KAZN: variants seen among roughly 807,000 people sequenced by gnomAD.
KAZN encodes the protein kazrin, periplakin interacting protein.
KAZN carries 40 observed loss-of-function variants against 87.4 expected under a neutral mutation model. The ratio of observed to expected loss-of-function variants is 0.46; its 90% CI spans 0.36 to 0.60. The LOEUF (loss-of-function observed/expected upper bound fraction) is 0.60. Ranked by LOEUF, KAZN falls within the 20% of genes least tolerant of loss-of-function variation. The pLI, the probability that KAZN is intolerant of heterozygous loss-of-function variation, is 0.00. For synonymous variants in KAZN, 466 were observed against 458.3 expected, an observed-to-expected ratio of 1.02 and a Z score of -0.22; for missense variants, 898 against 1,073.9, an observed-to-expected ratio of 0.84 and a Z score of 2.29.
chr1:14,843,496 A>G (rs934121645), intron 1 of KAZN, among the ~76,000 whole-genome samples: 1 of 152,196 alleles, frequency 6.6e-6, no homozygotes, highest in African/African-American at 2.4e-5. Context: ...TTGCTGTGAC[A>G]TGAGGCTCAT....
chr1:14,786,361 G>A (rs1645508523), intron 1 of KAZN, among the ~76,000 whole-genome samples: 1 of 152,118 alleles, frequency 6.6e-6, no homozygotes, highest in African/African-American at 2.4e-5. Flanking sequence ...GCAGTTTGGG[G>A]AGCAGCAGCA....
intron 4 of KAZN, among the ~76,000 whole-genome samples, chr1:15,049,234 C>T (rs1431888993): frequency 6.6e-6 from 1 of 152,218 alleles, no homozygotes; most frequent in Non-Finnish European, 1.5e-5. Context: ...CTGCCTGCTC[C>T]TGAGACCATG....
chr1:14,860,719 T>C (rs1421313255), intron 1 of KAZN, among the ~76,000 whole-genome samples: 1 of 152,222 alleles, frequency 6.6e-6, no homozygotes, highest in African/African-American at 2.4e-5. Flanking sequence ...ACCTACCTTA[T>C]ATGTTTGTAT....
chr1:14,226,084 A>G (rs1170756560), intron 2 of KAZN, among the ~76,000 whole-genome samples: 1 of 152,070 alleles, frequency 6.6e-6, no homozygotes, highest in Non-Finnish European at 1.5e-5. Context: ...AAACAAAACA[A>G]ACAAAAAACC....
intron 2 of KAZN, among the ~76,000 whole-genome samples, chr1:14,247,456 A>G (rs916691543): frequency 7.2e-5 from 11 of 152,232 alleles, no homozygotes; most frequent in Admixed American, 1.3e-4. Context: ...CTGAATCAAC[A>G]TTTAAAAACA....
At chr1:14,125,280 C>T (rs560419055) in intron 1 of KAZN, among the ~76,000 whole-genome samples, 19 of 152,260 alleles carry the variant, frequency 1.2e-4, no homozygotes, top group South Asian at 1.2e-3. Context: ...ATGTCTTTTC[C>T]GACCTAGCAA....
chr1:14,489,446 T>C (rs915821328), intron 2 of KAZN, among the ~76,000 whole-genome samples: 8 of 152,146 alleles, frequency 5.3e-5, no homozygotes, highest in South Asian at 2.1e-4. Flanking sequence ...TACACCGTTT[T>C]GGGCTGGGCA....
intron 1 of KAZN, among the ~76,000 whole-genome samples, chr1:13,925,158 A>G (rs1481714755): frequency 1.3e-5 from 2 of 152,214 alleles, no homozygotes; most frequent in African/African-American, 2.4e-5. Flanking sequence ...GACATTTCAC[A>G]GCGATGGGAT....
chr1:13,948,220 T>C (rs1641216812), intron 1 of KAZN, among the ~76,000 whole-genome samples: 1 of 152,140 alleles, frequency 6.6e-6, no homozygotes, highest in African/African-American at 2.4e-5. Flanking sequence ...CACCTTCATA[T>C]GGTTTGGCTC....
rs111781484 is a variant in KAZN at position 13,998,161 on chromosome 1, A to G, written c.91+104405A>G. On this transcript the variant is annotated intron_variant, in intron 1 of 16. Coordinates refer to the KAZN transcript ENST00000636203. ...AAAGGAGAAATAAAATCCTTTCCAG[A>G]GAAAAAGATGCTGAGGGATTTCGTT... Among the ~76,000 whole-genome samples, 1,092 of 152,340 alleles carry G rather than the reference A, an allele frequency of 7.2e-3. 21 individuals are homozygous for G. Among genetic ancestry groups the G allele is most frequent in the African/African-American group, 0.025 (1,034 of 41,562 alleles).
rs188300847 is a variant in KAZN at position 14,063,966 on chromosome 1, G to A, written c.92-116469G>A. 4.6e-5 allele frequency among the ~76,000 whole-genome samples: 7 copies of A among 152,174 alleles called. No homozygotes were observed. The East Asian group carries it at 1.2e-3, about 25-fold the overall frequency. The stretch of plus-strand genomic sequence containing the variant: ...CGAAACCTCTCTCTCGCCCAGGCTC[G>A]AGTGCAATGGTGTGATCTCGGCTCA... On this transcript the variant is annotated intron_variant, in intron 1 of 16. Transcript: ENST00000636203.
At chr1:14,002,078 GA>G (rs1482888488) in intron 1 of KAZN, among the ~76,000 whole-genome samples, 1 of 152,216 alleles carries the variant, frequency 6.6e-6, no homozygotes, top group Non-Finnish European at 1.5e-5. Context: ...TACAGAATGG[GA>G]AAAAATTTTT....
intron 2 of KAZN, among the ~76,000 whole-genome samples, chr1:14,508,209 C>T (rs12089899): frequency 1.3e-5 from 2 of 152,104 alleles, no homozygotes; most frequent in African/African-American, 4.8e-5. Flanking sequence ...TAGGTATGTT[C>T]GTGCAAAGCC....
rs187403510 is a variant in KAZN at position 14,649,851 on chromosome 1, A to G, written c.226+50628A>G. ...AATATTTGGTACCTAATTATTTTTT[A>G]TTTATACTTTGTAATGTAGTGTGCG... is the stretch of plus-strand genomic sequence containing the variant. On this transcript the variant is annotated intron_variant, in intron 1 of 14. Coordinates refer to ENST00000376030, the MANE Select transcript of KAZN (RefSeq NM_201628.3). 6.6e-5 allele frequency among the ~76,000 whole-genome samples: 10 copies of G among 152,196 alleles called. No homozygotes were observed. The East Asian group carries it at 1.9e-3, about 29-fold the overall frequency.
intron 1 of KAZN, among the ~76,000 whole-genome samples, chr1:14,801,452 C>T (rs533503879): frequency 6.6e-6 from 1 of 152,198 alleles, no homozygotes; most frequent in South Asian, 2.1e-4. Context: ...GTCCCTTCTC[C>T]GCAGGCTCTT....
intron 1 of KAZN, among the ~76,000 whole-genome samples, chr1:14,881,715 C>T (rs557086183): frequency 3.3e-5 from 5 of 152,264 alleles, no homozygotes; most frequent in African/African-American, 9.6e-5. Flanking sequence ...AGTTTCTGCT[C>T]GACCACTTCC....
At chr1:14,699,636 G>A (rs1641809980) in intron 1 of KAZN, among the ~76,000 whole-genome samples, 1 of 152,218 alleles carries the variant, frequency 6.6e-6, no homozygotes, top group Non-Finnish European at 1.5e-5. Context: ...CATGAAGCTT[G>A]TTTACATTGG....
chr1:14,779,554 G>A (rs965778470), intron 1 of KAZN, among the ~76,000 whole-genome samples: 13 of 152,270 alleles, frequency 8.5e-5, no homozygotes, highest in African/African-American at 1.9e-4. Context: ...CCCTGACCTC[G>A]CAGAAATACT....
intron 2 of KAZN, among the ~76,000 whole-genome samples, chr1:14,533,644 T>A (rs1416905831): frequency 6.6e-6 from 1 of 152,180 alleles, no homozygotes; most frequent in Non-Finnish European, 1.5e-5. Flanking sequence ...GAGGGATCCA[T>A]CCCGTTTGCT....
Sources: allele counts gnomAD v4.1 joint callset (sites outside exome capture counted in the v4.1 genomes callset), GRCh38; gene constraint gnomAD v4.1.1; transcripts MANE v1.5; gene names NCBI Gene and HGNC (gene_info 2026-07-23, HGNC 2026-07-21).